MYO3B: variants seen among roughly 807,000 people sequenced by gnomAD.
MYO3B encodes the protein myosin IIIB, also known as myosin-IIIb.
Under a neutral mutation model 174.6 loss-of-function variants are expected in MYO3B, and 156 were observed. The ratio of observed to expected loss-of-function variants is 0.89; its 90% CI spans 0.78 to 1.02. The LOEUF is 1.02. Ranked by LOEUF, MYO3B falls within the 50% of genes least tolerant of loss-of-function variation. The probability of loss-of-function intolerance (pLI) is 0.00; values close to 1 mark genes in which losing one functional copy is unlikely to be tolerated. For missense variants in MYO3B, 1,632 were observed against 1,639.4 expected (o/e 1.00, Z 0.08); for synonymous variants, 563 against 569.1 (o/e 0.99, Z 0.15).
intron 8 of MYO3B, among the ~76,000 whole-genome samples, chr2:170,339,954 C>T (rs2093967377): frequency 6.6e-6 from 1 of 152,146 alleles, no homozygotes; most frequent in African/African-American, 2.4e-5. Flanking sequence ...AGCCCTTTCC[C>T]CTACGACTAA....
chr2:170,289,222 T>G (rs2093578726), intron 7 of MYO3B, among the ~76,000 whole-genome samples: 1 of 152,136 alleles, frequency 6.6e-6, no homozygotes, highest in East Asian at 1.9e-4. Flanking sequence ...GCTGTCCTTG[T>G]AGAATAGTTG....
chr2:170,391,119 T>A (rs2094408897), intron 14 of MYO3B, among the ~76,000 whole-genome samples: 1 of 152,080 alleles, frequency 6.6e-6, no homozygotes, highest in South Asian at 2.1e-4. Context: ...CTGTGAGACT[T>A]GCAGGCCACT....
chr2:170,392,790 T>C (rs558939082), intron 16 of MYO3B, among the ~76,000 whole-genome samples: 1 of 152,224 alleles, frequency 6.6e-6, no homozygotes, highest in East Asian at 1.9e-4. Context: ...TTAAGGACCA[T>C]GTGCTGATAA....
chr2:170,183,059 C>T (rs113180841), intron 1 of MYO3B, among the ~76,000 whole-genome samples: 1 of 151,844 alleles, frequency 6.6e-6, no homozygotes, highest in Non-Finnish European at 1.5e-5. Flanking sequence ...AGTTCAAGAC[C>T]AGCCTGGGCA....
chr2:170,581,846 TA>T (rs1184603393), intron 32 of MYO3B, among the ~76,000 whole-genome samples: 1 of 152,216 alleles, frequency 6.6e-6, no homozygotes, highest in Non-Finnish European at 1.5e-5. Flanking sequence ...CATATGTTAA[TA>T]AGCTATCTTC....
intron 8 of MYO3B, chr2:170,349,832 A>C (rs1272626439): frequency 2.6e-5 from 4 of 151,968 alleles, no homozygotes; most frequent in Admixed American, 2.0e-4. Flanking sequence ...GAAAAAAATT[A>C]TGCACCTCAT....
intron 7 of MYO3B, among the ~76,000 whole-genome samples, chr2:170,277,471 C>T (rs2093471875): frequency 6.6e-6 from 1 of 152,142 alleles, no homozygotes; most frequent in Non-Finnish European, 1.5e-5. Context: ...ATGTGACTTA[C>T]ATAAGGGTAA....
chr2:170,404,180 T>A (rs1170440246), intron 19 of MYO3B, 67 bp from the exon 20 acceptor site: 14 of 1,490,436 alleles, frequency 9.4e-6, no homozygotes, highest in Non-Finnish European at 1.3e-5. Flanking sequence ...AAAGTCCATG[T>A]CAAAGTATCC....
At chr2:170,483,985 GTTAC>G (rs1346077522) in intron 25 of MYO3B, among the ~76,000 whole-genome samples, 1 of 152,146 alleles carries the variant, frequency 6.6e-6, no homozygotes, top group Non-Finnish European at 1.5e-5. Flanking sequence ...GCATGCTCTA[GTTAC>G]TTACAGTAAA....
Position 170,208,390 on chromosome 2 carries a change from G to A in MYO3B, c.322-5989G>A, listed in dbSNP as rs546478018. On this transcript the variant is annotated intron_variant, in intron 3 of 34. Transcript: ENST00000408978. Reference sequence around the variant, plus strand: ...TATAGTTATGCTTGCTAAGATGTAGGTGCATGGGGCTTGGCTTTGGTTAGC... The same window carrying A: ...TATAGTTATGCTTGCTAAGATGTAGATGCATGGGGCTTGGCTTTGGTTAGC... 1.6e-4 allele frequency among the ~76,000 whole-genome samples: 24 copies of A among 152,310 alleles called. No homozygotes were observed. The East Asian group carries it at 3.7e-3, about 23-fold the overall frequency.
intron 22 of MYO3B, among the ~76,000 whole-genome samples, chr2:170,413,876 A>G (rs1462340425): frequency 6.6e-6 from 1 of 151,838 alleles, no homozygotes; most frequent in Non-Finnish European, 1.5e-5. Context: ...TGACTCTACT[A>G]AAAATACAAA....
chr2:170,643,766 A>G (rs1235274199), intron 32 of MYO3B: 2 of 152,184 alleles, frequency 1.3e-5, no homozygotes, highest in African/African-American at 2.4e-5. Context: ...CTCCCAGGAT[A>G]TTCTCTCCCT....
At chr2:170,533,682 A>T (rs527935179) in intron 30 of MYO3B, among the ~76,000 whole-genome samples, 29 of 152,310 alleles carry the variant, frequency 1.9e-4, no homozygotes, top group African/African-American at 6.3e-4. Flanking sequence ...TGAAGTTTCC[A>T]TGTTTACGGA....
chr2:170,602,371 A>T, intron 32 of MYO3B: 1 of 589,758 alleles, frequency 1.7e-6, no homozygotes, highest in Non-Finnish European at 3.0e-6. Flanking sequence ...CACCCTCTCC[A>T]CTCTGTAACA....
intron 7 of MYO3B, among the ~76,000 whole-genome samples, chr2:170,324,821 G>A (rs1487075145): frequency 1.3e-5 from 2 of 152,210 alleles, no homozygotes; most frequent in African/African-American, 2.4e-5. Flanking sequence ...TTTCCTAATT[G>A]CTTCTGTGGC....
At chr2:170,349,079 G>C (rs1259600502) in intron 8 of MYO3B, among the ~76,000 whole-genome samples, 1 of 152,136 alleles carries the variant, frequency 6.6e-6, no homozygotes, top group East Asian at 1.9e-4. Context: ...TCTTCCCAGT[G>C]CTTACAGGGT....
At chr2:170,479,988 CTA>C (rs910059246) in intron 25 of MYO3B, among the ~76,000 whole-genome samples, 2 of 144,398 alleles carry the variant, frequency 1.4e-5, no homozygotes, top group Non-Finnish European at 3.0e-5. Flanking sequence ...TATATTAAAC[CTA>C]TATATATGTG....
At chr2:170,371,229 A>C (rs1359380730) in intron 9 of MYO3B, among the ~76,000 whole-genome samples, 3 of 151,392 alleles carry the variant, frequency 2.0e-5, no homozygotes, top group East Asian at 2.0e-4. Flanking sequence ...AAAAAAAAAA[A>C]AAAAAAAAAA....
chr2:170,601,194 T>C (rs1218243236), intron 32 of MYO3B, among the ~76,000 whole-genome samples: 3 of 152,194 alleles, frequency 2.0e-5, no homozygotes, highest in Non-Finnish European at 4.4e-5. Flanking sequence ...GCATTCAGAA[T>C]GTCAACAAAA....
Sources: allele counts gnomAD v4.1 joint callset (sites outside exome capture counted in the v4.1 genomes callset), GRCh38; gene constraint gnomAD v4.1.1; transcripts MANE v1.5; gene names NCBI Gene and HGNC (gene_info 2026-07-23, HGNC 2026-07-21).